SOX6: variants seen among roughly 807,000 people sequenced by gnomAD.
SOX6 encodes SRY-box transcription factor 6.
In SOX6, 11 loss-of-function variants were observed where a neutral mutation model predicts 97.8. The ratio of observed to expected loss-of-function variants is 0.11; its 90% CI spans 0.07 to 0.19. The LOEUF is 0.19. Among genes scored for constraint, SOX6 ranks in the 10% least tolerant of loss-of-function variants. The probability of loss-of-function intolerance (pLI) is 1.00; values close to 1 mark genes in which losing one functional copy is unlikely to be tolerated. For missense variants in SOX6, 810 were observed against 1,039.5 expected (o/e 0.78, Z 3.04); for synonymous variants, 360 against 371.4 (o/e 0.97, Z 0.35).
At chr11:16,493,332 CA>C (rs1236870739) in intron 4 of SOX6, among the ~76,000 whole-genome samples, 2 of 152,058 alleles carry the variant, frequency 1.3e-5, no homozygotes, top group East Asian at 3.9e-4. Flanking sequence ...GATCCAGAAA[CA>C]AAAGGATATA....
At chr11:16,297,675 G>A (rs757498752) in intron 3 of SOX6, among the ~76,000 whole-genome samples, 7 of 152,156 alleles carry the variant, frequency 4.6e-5, no homozygotes, top group African/African-American at 1.4e-4. Context: ...CTAGTCACAC[G>A]CAGTGGGAGC....
chr11:16,735,373 T>C (rs566011824), intron 2 of SOX6, among the ~76,000 whole-genome samples: 45 of 152,348 alleles, frequency 3.0e-4, no homozygotes, highest in Non-Finnish European at 6.3e-4. Context: ...CAAAAACTTT[T>C]GGGAAATAAT....
chr11:16,036,582 G>A (rs75828774), intron 12 of SOX6, among the ~76,000 whole-genome samples: 7,597 of 152,208 alleles, frequency 0.05, 624 homozygotes, highest in African/African-American at 0.17. Context: ...ATAGAAATTG[G>A]TTAAGAGATT....
intron 4 of SOX6, among the ~76,000 whole-genome samples, chr11:16,515,328 G>C (rs534292134): frequency 0.1 from 15,630 of 150,320 alleles, 835 homozygotes; most frequent in Non-Finnish European, 0.13. Flanking sequence ...TGTGTTTTTT[G>C]GCTGCATAAA....
chr11:16,070,648 G>A (rs894940218), intron 9 of SOX6, among the ~76,000 whole-genome samples: 6 of 152,034 alleles, frequency 3.9e-5, no homozygotes, highest in African/African-American at 9.7e-5. Flanking sequence ...CTGAAACCAC[G>A]TCAGTATCCA....
chr11:16,525,876 G>T (rs185349614), intron 4 of SOX6, among the ~76,000 whole-genome samples: 8 of 151,764 alleles, frequency 5.3e-5, no homozygotes, highest in East Asian at 1.9e-4. Flanking sequence ...AAAGACACAT[G>T]AAAAAAATGC....
At chr11:16,589,864 C>G (rs1339646918) in intron 4 of SOX6, among the ~76,000 whole-genome samples, 1 of 152,126 alleles carries the variant, frequency 6.6e-6, no homozygotes, top group African/African-American at 2.4e-5. Context: ...AATGCTCAAT[C>G]AGTACTTTAC....
intron 3 of SOX6, among the ~76,000 whole-genome samples, chr11:16,301,709 A>G (rs563444455): frequency 6.6e-6 from 1 of 152,276 alleles, no homozygotes; most frequent in African/African-American, 2.4e-5. Context: ...GAGTTTCCAC[A>G]TATGGACCAA....
chr11:16,187,837 A>G (rs1053915932), intron 4 of SOX6, among the ~76,000 whole-genome samples: 11 of 152,176 alleles, frequency 7.2e-5, no homozygotes, highest in Non-Finnish European at 1.3e-4. Context: ...AGAGCATTTT[A>G]CCGCAGCATA....
At chr11:16,305,519 C>T (rs574696836) in intron 3 of SOX6, among the ~76,000 whole-genome samples, 8 of 152,160 alleles carry the variant, frequency 5.3e-5, no homozygotes, top group East Asian at 1.9e-4. Context: ...TAAAATCCAA[C>T]GTACAATATA....
At chr11:16,165,522 C>T (rs1027760220) in intron 6 of SOX6, among the ~76,000 whole-genome samples, 2 of 152,186 alleles carry the variant, frequency 1.3e-5, no homozygotes, top group Admixed American at 1.3e-4. Flanking sequence ...ATATCCCTTA[C>T]TATTCCTTTC....
chr11:16,644,247 C>G (rs921285593), intron 3 of SOX6, among the ~76,000 whole-genome samples: 10 of 152,146 alleles, frequency 6.6e-5, no homozygotes, highest in African/African-American at 2.4e-4. Flanking sequence ...ACCTTGTTGC[C>G]CATGCTGGTC....
At chr11:16,569,587 AT>A (rs535492976) in intron 4 of SOX6, among the ~76,000 whole-genome samples, 2 of 152,148 alleles carry the variant, frequency 1.3e-5, no homozygotes, top group South Asian at 4.1e-4. Context: ...TAAGTGATAC[AT>A]TTTGTTTCTT....
At chr11:16,056,089 A>G (rs746018558) in intron 9 of SOX6, among the ~76,000 whole-genome samples, 188 bp from the exon 10 acceptor site, 2 of 152,202 alleles carry the variant, frequency 1.3e-5, no homozygotes, top group African/African-American at 4.8e-5. Context: ...TATGGGAGCC[A>G]TAGTTCTGTT....
chr11:16,655,791 A>G (rs6486309), intron 3 of SOX6, among the ~76,000 whole-genome samples: 151,259 of 152,174 alleles, frequency 0.99, 75,183 homozygotes, highest in South Asian at 1. Flanking sequence ...TGGTTAATTC[A>G]CTCATCAGTT....
intron 4 of SOX6, among the ~76,000 whole-genome samples, chr11:16,496,188 G>A (rs1478155772): frequency 6.6e-6 from 1 of 151,860 alleles, no homozygotes; most frequent in Non-Finnish European, 1.5e-5. Flanking sequence ...AAGGAAATAT[G>A]ACAGGTCCAA....
chr11:15,991,499 T>C (rs1590113719), intron 13 of SOX6, among the ~76,000 whole-genome samples: 1 of 152,334 alleles, frequency 6.6e-6, no homozygotes, highest in South Asian at 2.1e-4. Context: ...ACAACTGACA[T>C]GGATTCAGCA....
chr11:16,389,548 TA>T (rs1269216014), intron 1 of SOX6, among the ~76,000 whole-genome samples: 1 of 152,298 alleles, frequency 6.6e-6, no homozygotes, highest in Non-Finnish European at 1.5e-5. Context: ...TGAGATGTCT[TA>T]TTTTTTTTTC....
chr11:16,301,916 C>T (rs1214178521), intron 3 of SOX6, among the ~76,000 whole-genome samples: 3 of 152,248 alleles, frequency 2.0e-5, no homozygotes, highest in African/African-American at 2.4e-5. Flanking sequence ...CTTGGTATAT[C>T]TAAATGCAAA....
Sources: gnomAD v4.1 joint callset for allele counts (sites outside exome capture counted in the v4.1 genomes callset) on GRCh38, gnomAD v4.1.1 for gene constraint, MANE v1.5 for transcripts, NCBI Gene and HGNC (gene_info 2026-07-23, HGNC 2026-07-21) for gene names.